Variants in CALN1 observed in about 807,000 individuals in gnomAD.
CALN1 encodes calcium-binding protein 8.
CALN1 carries 17 observed loss-of-function variants against 30.6 expected under a neutral mutation model. The observed-to-expected ratio is 0.56, with a 90% CI of 0.38 to 0.83. The LOEUF (loss-of-function observed/expected upper bound fraction) is 0.83, where lower values mean the gene tolerates loss of function less well. CALN1 is among the 40% of genes least tolerant of loss of function. The pLI, the probability that CALN1 is intolerant of heterozygous loss-of-function variation, is 0.00. For missense variants in CALN1, 291 were observed against 354.9 expected, an observed-to-expected ratio of 0.82 and a Z score of 1.45; for synonymous variants, 156 against 131.4, an observed-to-expected ratio of 1.19 and a Z score of -1.28.
intron 3 of CALN1, among the ~76,000 whole-genome samples, chr7:72,130,988 G>A (rs1020092703): frequency 1.1e-4 from 16 of 152,158 alleles, no homozygotes; most frequent in Admixed American, 9.8e-4. Context: ...CTAGTTACAG[G>A]ACATTGCCAC....
chr7:72,067,073 G>A (rs577032780), intron 4 of CALN1, among the ~76,000 whole-genome samples: 1 of 151,966 alleles, frequency 6.6e-6, no homozygotes, highest in South Asian at 2.1e-4. Context: ...ACAGGTGTGA[G>A]CCACCACGCC....
chr7:71,928,569 T>C (rs1795389340), intron 5 of CALN1, among the ~76,000 whole-genome samples: 1 of 152,180 alleles, frequency 6.6e-6, no homozygotes, highest in South Asian at 2.1e-4. Context: ...ATGCCATTAC[T>C]TTTAATGTCA....
intron 2 of CALN1, among the ~76,000 whole-genome samples, chr7:72,299,878 TTTG>T (rs1206942054): frequency 6.6e-6 from 1 of 151,470 alleles, no homozygotes; most frequent in Non-Finnish European, 1.5e-5. Context: ...TGTTTCAATT[TTTG>T]TTTTGTTTTG....
chr7:72,356,004 A>C (rs532709088), intron 2 of CALN1, among the ~76,000 whole-genome samples: 10 of 152,368 alleles, frequency 6.6e-5, no homozygotes, highest in Non-Finnish European at 1.5e-4. Context: ...TACAAAAGGA[A>C]GATAAATGTT....
chr7:72,015,448 T>C (rs1300597709), intron 5 of CALN1, among the ~76,000 whole-genome samples: 5 of 143,638 alleles, frequency 3.5e-5, no homozygotes, highest in South Asian at 2.2e-4. Context: ...TTTTTTTTTT[T>C]CTCTTTTTGA....
chr7:72,336,607 C>T (rs1802057931), intron 2 of CALN1: 1 of 839,446 alleles, frequency 1.2e-6, no homozygotes, highest in Non-Finnish European at 1.4e-6. Flanking sequence ...CCGCGACAGC[C>T]CGGGGGTTTG....
rs527855059 is a variant in CALN1, at chr7:71,884,858, G to A, written c.502-74366C>T. 1.2e-3 allele frequency among the ~76,000 whole-genome samples: 178 copies of A among 152,214 alleles called. 1 individual carries two copies. Among genetic ancestry groups the A allele is most frequent in the Middle Eastern group, 3.4e-3 (1 of 294 alleles). On this transcript the variant is annotated intron_variant, in intron 5 of 6. Coordinates refer to ENST00000395275, the MANE Select transcript of CALN1 (RefSeq NM_031468.4). Reference sequence around the variant, plus strand: ...TGCATCTATAATAATCTCTATTAACGTAGCTAGATCTTTTTCTTCCAGACC... The same window carrying A: ...TGCATCTATAATAATCTCTATTAACATAGCTAGATCTTTTTCTTCCAGACC...
intron 5 of CALN1, among the ~76,000 whole-genome samples, chr7:71,869,927 C>T (rs541099166): frequency 1.3e-5 from 2 of 152,234 alleles, no homozygotes; most frequent in South Asian, 4.2e-4. Context: ...AGACCAGATT[C>T]CTCAGGTTTC....
At chr7:72,075,454 T>C (rs1804665889) in intron 4 of CALN1, among the ~76,000 whole-genome samples, 1 of 152,210 alleles carries the variant, frequency 6.6e-6, no homozygotes, top group Non-Finnish European at 1.5e-5. Flanking sequence ...AAAGTCTCTA[T>C]CTTTAGAGAA....
chr7:71,892,552 G>A (rs6956808), intron 5 of CALN1, among the ~76,000 whole-genome samples: 36,521 of 152,122 alleles, frequency 0.24, 5,269 homozygotes, highest in African/African-American at 0.4. Flanking sequence ...TTGAGCCTGG[G>A]AGGCAGAGGT....
chr7:72,436,167 A>T (rs1038805984), intron 1 of CALN1, among the ~76,000 whole-genome samples: 2 of 152,190 alleles, frequency 1.3e-5, no homozygotes, highest in Non-Finnish European at 2.9e-5. Context: ...CACTGCTGAT[A>T]TGGTTTGGCT....
At chr7:72,470,116 G>T in the CALN1 span, among the ~76,000 whole-genome samples, 12 of 152,294 alleles carry the variant, frequency 7.9e-5, no homozygotes, top group African/African-American at 2.2e-4. Context: ...CGTGTACAAT[G>T]CTCTGAACAT....
chr7:72,408,996 G>C (rs1806908263), intron 1 of CALN1, among the ~76,000 whole-genome samples: 1 of 149,798 alleles, frequency 6.7e-6, no homozygotes, highest in South Asian at 2.1e-4. Flanking sequence ...ACTTTTTTTG[G>C]GGCAGGGGGG....
chr7:72,120,948 G>A (rs1449617320), intron 3 of CALN1, among the ~76,000 whole-genome samples: 1 of 151,904 alleles, frequency 6.6e-6, no homozygotes, highest in Non-Finnish European at 1.5e-5. Context: ...AGGGGAAAAG[G>A]GCTCCCCTGA....
intron 5 of CALN1, among the ~76,000 whole-genome samples, chr7:71,851,684 G>T (rs1457506884): frequency 6.6e-6 from 1 of 152,034 alleles, no homozygotes; most frequent in Non-Finnish European, 1.5e-5. Context: ...GAAACAGAGA[G>T]AAAAGGAAAT....
chr7:71,917,371 A>C (rs1794733741), intron 5 of CALN1, among the ~76,000 whole-genome samples: 1 of 152,218 alleles, frequency 6.6e-6, no homozygotes, highest in African/African-American at 2.4e-5. Flanking sequence ...ATTATTGTTA[A>C]TACCACTATT....
chr7:71,867,413 T>TG (rs1333165673), intron 5 of CALN1, among the ~76,000 whole-genome samples: 1 of 151,900 alleles, frequency 6.6e-6, no homozygotes, highest in Non-Finnish European at 1.5e-5. Context: ...TGGGGAGAGA[T>TG]GGGGACTGCC....
chr7:72,259,897 T>C (rs1483931839), intron 3 of CALN1, among the ~76,000 whole-genome samples: 1 of 152,170 alleles, frequency 6.6e-6, no homozygotes, highest in Non-Finnish European at 1.5e-5. Context: ...CCACAACCAA[T>C]GCAACCTTTT....
intron 3 of CALN1, among the ~76,000 whole-genome samples, chr7:72,143,008 A>G (rs1245248991): frequency 2.0e-5 from 3 of 152,186 alleles, no homozygotes; most frequent in Non-Finnish European, 4.4e-5. Context: ...AGGTAGATAA[A>G]ACCACAAAGA....
Sources: gnomAD v4.1 joint callset for allele counts (sites outside exome capture counted in the v4.1 genomes callset) on GRCh38, gnomAD v4.1.1 for gene constraint, MANE v1.5 for transcripts, NCBI Gene and HGNC (gene_info 2026-07-23, HGNC 2026-07-21) for gene names.